ARHGAP10: variants seen among roughly 807,000 people sequenced by gnomAD.
ARHGAP10 encodes the protein rho GTPase-activating protein 10.
A neutral mutation model predicts 108.6 loss-of-function variants in ARHGAP10; 87 were observed. The observed-to-expected ratio is 0.80, with a 90% CI of 0.67 to 0.96. The LOEUF (loss-of-function observed/expected upper bound fraction) is 0.96, where lower values mean the gene tolerates loss of function less well. Among genes scored for constraint, ARHGAP10 ranks in the 40% least tolerant of loss-of-function variants. ARHGAP10 has a pLI of 0.00. For missense variants in ARHGAP10, 939 were observed against 954.5 expected (o/e 0.98, Z 0.21); for synonymous variants, 347 against 341.1 (o/e 1.02, Z -0.19).
chr4:147,807,262 A>G (rs1329432494), intron 1 of ARHGAP10, among the ~76,000 whole-genome samples: 1 of 152,142 alleles, frequency 6.6e-6, no homozygotes, highest in Non-Finnish European at 1.5e-5. Context: ...TTTTATATGA[A>G]ATATCCTGCA....
intron 4 of ARHGAP10, among the ~76,000 whole-genome samples, chr4:147,848,658 G>A (rs1284355254): frequency 1.3e-5 from 2 of 152,138 alleles, no homozygotes; most frequent in African/African-American, 4.8e-5. Flanking sequence ...TTTCTCATTT[G>A]AATTGGATGG....
At chr4:147,740,656 C>G (rs1331055274) in intron 1 of ARHGAP10, among the ~76,000 whole-genome samples, 1 of 152,160 alleles carries the variant, frequency 6.6e-6, no homozygotes, top group Non-Finnish European at 1.5e-5. Context: ...TTACAAGACA[C>G]AGACCTCCAC....
intron 1 of ARHGAP10, among the ~76,000 whole-genome samples, chr4:147,784,800 A>AT (rs1730788739): frequency 4.8e-4 from 3 of 6,274 alleles, no homozygotes; most frequent in Non-Finnish European, 2.2e-3. Flanking sequence ...TATATATTAT[A>AT]AATATAATAT....
rs148194587 is a variant in ARHGAP10, at chr4:148,007,961, C to G, written c.1717-15302C>G. On this transcript the variant is annotated intron_variant, in intron 18 of 22. Transcript: ENST00000336498. ...GCAGAACTGAAATGTAATGCCCTAGCATGTCCCAGTCAATCAGGACTGCAG... is the reference window on the plus strand; with the variant it reads ...GCAGAACTGAAATGTAATGCCCTAGGATGTCCCAGTCAATCAGGACTGCAG... Among the ~76,000 whole-genome samples the G allele has an allele frequency of 2.2e-3, 330 of 152,290 alleles. 2 individuals are homozygous for G. The highest frequency in any genetic ancestry group is 4.7e-3 in the Admixed American group (72 of 15,296).
intron 7 of ARHGAP10, among the ~76,000 whole-genome samples, chr4:147,870,475 T>C (rs1734770165): frequency 6.6e-6 from 1 of 152,146 alleles, no homozygotes; most frequent in Admixed American, 6.6e-5. Flanking sequence ...CAAAACTTTA[T>C]AATCAGAAAA....
chr4:147,934,587 G>A (rs1241997851), intron 13 of ARHGAP10, among the ~76,000 whole-genome samples: 1 of 152,174 alleles, frequency 6.6e-6, no homozygotes, highest in Admixed American at 6.5e-5. Flanking sequence ...TGTAATCCCA[G>A]CACTTTGGGA....
At chr4:147,893,381 AT>A (rs983966591) in intron 10 of ARHGAP10, among the ~76,000 whole-genome samples, 27 of 149,710 alleles carry the variant, frequency 1.8e-4, no homozygotes, top group East Asian at 9.7e-4. Flanking sequence ...TTAAATGTAA[AT>A]TTTTTTTTAT....
At chr4:147,853,695 G>A (rs1370217775) in intron 4 of ARHGAP10, among the ~76,000 whole-genome samples, 3 of 151,858 alleles carry the variant, frequency 2.0e-5, no homozygotes, top group African/African-American at 7.2e-5. Flanking sequence ...CATATTGGTT[G>A]TAATCCTCCC....
chr4:147,973,734 C>T (rs1204295356), intron 18 of ARHGAP10, among the ~76,000 whole-genome samples: 2 of 152,130 alleles, frequency 1.3e-5, no homozygotes, highest in African/African-American at 4.8e-5. Context: ...TCTCTATCTT[C>T]ATGAGTTAAA....
intron 1 of ARHGAP10, among the ~76,000 whole-genome samples, chr4:147,771,497 A>T (rs1730079691): frequency 4.6e-5 from 1 of 21,714 alleles, no homozygotes; most frequent in African/African-American, 4.9e-5. Context: ...AAAATGTATG[A>T]TTATTTTTGA....
chr4:147,910,906 G>A (rs755042156), intron 12 of ARHGAP10, among the ~76,000 whole-genome samples: 1 of 152,008 alleles, frequency 6.6e-6, no homozygotes, highest in South Asian at 2.1e-4. Context: ...GCCACAAGCA[G>A]CACATCCCCT....
chr4:147,960,274 T>C (rs984881856), intron 16 of ARHGAP10, among the ~76,000 whole-genome samples: 3 of 152,198 alleles, frequency 2.0e-5, no homozygotes, highest in African/African-American at 7.2e-5. Flanking sequence ...TTGTGTTATT[T>C]ATGTGCCTTT....
chr4:148,029,529 G>A (rs566462274), intron 19 of ARHGAP10, among the ~76,000 whole-genome samples: 6 of 152,308 alleles, frequency 3.9e-5, no homozygotes, highest in South Asian at 4.1e-4. Context: ...ATGGATTTTC[G>A]TTGACATTCT....
intron 4 of ARHGAP10, among the ~76,000 whole-genome samples, chr4:147,851,347 G>C (rs1733869950): frequency 6.6e-6 from 1 of 151,978 alleles, no homozygotes; most frequent in Non-Finnish European, 1.5e-5. Flanking sequence ...TGAGCAGCCA[G>C]GACTACAGAT....
chr4:147,855,615 A>G (rs894512011), intron 4 of ARHGAP10, among the ~76,000 whole-genome samples: 5 of 151,638 alleles, frequency 3.3e-5, no homozygotes, highest in African/African-American at 9.7e-5. Context: ...GTCTGGATCT[A>G]TGAGGCAGTT....
chr4:147,956,591 G>A (rs981431360), intron 16 of ARHGAP10, among the ~76,000 whole-genome samples: 1 of 152,070 alleles, frequency 6.6e-6, no homozygotes, highest in Non-Finnish European at 1.5e-5. Context: ...GGCATTTTTG[G>A]CAAACTGGGG....
At chr4:147,941,028 T>C (rs1240973226) in intron 14 of ARHGAP10, among the ~76,000 whole-genome samples, 1 of 152,210 alleles carries the variant, frequency 6.6e-6, no homozygotes, top group African/African-American at 2.4e-5. Context: ...CCAAATTAAA[T>C]AGACTCAGGT....
intron 1 of ARHGAP10, among the ~76,000 whole-genome samples, chr4:147,739,906 T>TG (rs1262399524): frequency 6.6e-6 from 1 of 151,328 alleles, no homozygotes; most frequent in Non-Finnish European, 1.5e-5. Context: ...CGGCTAATTT[T>TG]TGTATTTTTT....
chr4:147,985,386 AG>A (rs2149630864), intron 18 of ARHGAP10, among the ~76,000 whole-genome samples: 1 of 152,262 alleles, frequency 6.6e-6, no homozygotes, highest in South Asian at 2.1e-4. Flanking sequence ...CCATAACCTC[AG>A]GAGAGGAGGC....
Sources: allele counts gnomAD v4.1 joint callset (sites outside exome capture counted in the v4.1 genomes callset), GRCh38; gene constraint gnomAD v4.1.1; transcripts MANE v1.5; gene names NCBI Gene and HGNC (gene_info 2026-07-23, HGNC 2026-07-21).